The following LRP1B variants were observed in gnomAD, a reference collection of about 807,000 sequenced individuals.
LRP1B encodes the protein LDL receptor related protein 1B.
A neutral mutation model predicts 556.6 loss-of-function variants in LRP1B; 217 were observed. The observed-to-expected ratio is 0.39, with a 90% CI of 0.35 to 0.44. LRP1B has a LOEUF of 0.44. Among genes scored for constraint, LRP1B ranks in the 20% least tolerant of loss-of-function variants. The pLI, the probability that LRP1B is intolerant of heterozygous loss-of-function variation, is 1.00. For missense variants in LRP1B, 5,053 were observed against 5,620.8 expected (o/e 0.90, Z 3.23); for synonymous variants, 2,047 against 1,865.8 (o/e 1.10, Z -2.50).
chr2:142,117,589 G>A (rs1707317636), intron 1 of LRP1B, among the ~76,000 whole-genome samples: 1 of 151,900 alleles, frequency 6.6e-6, no homozygotes, highest in African/African-American at 2.4e-5. Flanking sequence ...TTCCCACAAT[G>A]GATTTTTATT....
In LRP1B at chr2:141,120,604, T is replaced by C. The variant is rs180772214; in HGVS notation, c.1014-58331A>G. 8.7e-4 allele frequency among the ~76,000 whole-genome samples: 132 copies of C among 152,110 alleles called. 1 individual carries two copies. The highest frequency in any genetic ancestry group is 3.0e-3 in the African/African-American group (126 of 41,552). On this transcript the variant is annotated intron_variant, in intron 7 of 90. Coordinates refer to ENST00000389484, the MANE Select transcript of LRP1B (RefSeq NM_018557.3). ...ATAAATAAGGTAATAAGATCGAACATTGACAAATTCATTTTCAGATTTATA... is the reference window on the plus strand; with the variant it reads ...ATAAATAAGGTAATAAGATCGAACACTGACAAATTCATTTTCAGATTTATA...
chr2:140,441,120 T>G (rs573960736), intron 66 of LRP1B, among the ~76,000 whole-genome samples: 1 of 152,248 alleles, frequency 6.6e-6, no homozygotes, highest in African/African-American at 2.4e-5. Flanking sequence ...TTAGGTATTG[T>G]TGTTACTAGG....
At chr2:141,911,099 GT>G (rs561937289) in intron 1 of LRP1B, among the ~76,000 whole-genome samples, 1,557 of 151,858 alleles carry the variant, frequency 0.01, 15 homozygotes, top group Non-Finnish European at 0.016. Flanking sequence ...CAGTTTTAAG[GT>G]TTTTTTAATA....
At chr2:141,217,261 C>T (rs1220240702) in intron 6 of LRP1B, among the ~76,000 whole-genome samples, 1 of 152,062 alleles carries the variant, frequency 6.6e-6, no homozygotes, top group Non-Finnish European at 1.5e-5. Flanking sequence ...CATGGCAACT[C>T]CCTCCACTTT....
intron 4 of LRP1B, among the ~76,000 whole-genome samples, chr2:141,248,588 G>T (rs954315220): frequency 6.6e-6 from 1 of 152,134 alleles, no homozygotes; most frequent in Non-Finnish European, 1.5e-5. Flanking sequence ...GAAGCATAAG[G>T]AGTCAAATGA....
chr2:141,867,956 C>T (rs1321638332), intron 1 of LRP1B, among the ~76,000 whole-genome samples: 1 of 152,098 alleles, frequency 6.6e-6, no homozygotes, highest in African/African-American at 2.4e-5. Context: ...GAAGTAGCAG[C>T]TAATTTGGGA....
At chr2:141,284,041 T>A (rs1213111630) in intron 3 of LRP1B, among the ~76,000 whole-genome samples, 1 of 152,144 alleles carries the variant, frequency 6.6e-6, no homozygotes, top group Non-Finnish European at 1.5e-5. Context: ...ATGTTAGAAA[T>A]AACCCTTGTG....
Position 140,389,847 on chromosome 2 carries a change from G to T in LRP1B, c.10415-3838C>A, listed in dbSNP as rs550703495. On this transcript the variant is annotated intron_variant, in intron 66 of 90. Coordinates refer to ENST00000389484, the MANE Select transcript of LRP1B (RefSeq NM_018557.3). ...ATTGTTGTAAAATTACATGGAAAAG[G>T]CTGGGCGTGGTGGTGGCTCACACCA... 3.3e-5 allele frequency among the ~76,000 whole-genome samples: 5 copies of T among 151,246 alleles called. No individual in the cohort carries two copies. In the South Asian group the frequency reaches 1.0e-3, roughly 32 times the overall value.
At chr2:141,164,291 A>G (rs1396714472) in intron 7 of LRP1B, among the ~76,000 whole-genome samples, 1 of 152,024 alleles carries the variant, frequency 6.6e-6, no homozygotes. Flanking sequence ...CTTAATCATT[A>G]TTTGACTCTA....
intron 21 of LRP1B, among the ~76,000 whole-genome samples, chr2:140,910,056 A>C (rs1694370819): frequency 6.7e-6 from 1 of 150,228 alleles, no homozygotes; most frequent in Non-Finnish European, 1.5e-5. Context: ...GCTTATTTTA[A>C]GTTAAAAAAT....
chr2:140,608,488 T>C (rs1228706016), intron 41 of LRP1B, among the ~76,000 whole-genome samples: 1 of 152,210 alleles, frequency 6.6e-6, no homozygotes, highest in Non-Finnish European at 1.5e-5. Flanking sequence ...TCAAAGGGCT[T>C]AAATGGGGAA....
intron 15 of LRP1B, among the ~76,000 whole-genome samples, chr2:140,998,648 A>C (rs1214287988): frequency 6.6e-6 from 1 of 152,066 alleles, no homozygotes; most frequent in Non-Finnish European, 1.5e-5. Flanking sequence ...CAAGCATGGC[A>C]TTAGAATTCA....
chr2:141,862,590 G>A (rs182552074), intron 1 of LRP1B, among the ~76,000 whole-genome samples: 5 of 152,208 alleles, frequency 3.3e-5, no homozygotes, highest in Admixed American at 2.6e-4. Context: ...TGTGTTTTTA[G>A]TAGAGACGGG....
intron 2 of LRP1B, among the ~76,000 whole-genome samples, chr2:141,686,744 G>T (rs1691321132): frequency 2.0e-5 from 3 of 152,058 alleles, no homozygotes; most frequent in Non-Finnish European, 4.4e-5. Context: ...GAGGTGATTG[G>T]ATCATGAGGG....
chr2:141,475,763 G>A (rs60388182), intron 3 of LRP1B, among the ~76,000 whole-genome samples: 9,083 of 146,340 alleles, frequency 0.062, 420 homozygotes, highest in African/African-American at 0.12. Flanking sequence ...TTCGGTTGGG[G>A]ATGGTCAGAG....
intron 43 of LRP1B, among the ~76,000 whole-genome samples, chr2:140,568,124 C>T (rs1158177014): frequency 9.3e-5 from 14 of 149,772 alleles, no homozygotes; most frequent in Non-Finnish European, 5.9e-5. Context: ...CAGAAACTGA[C>T]CCAAAGGAAA....
At chr2:141,720,604 T>C (rs538889042) in intron 2 of LRP1B, among the ~76,000 whole-genome samples, 1 of 152,248 alleles carries the variant, frequency 6.6e-6, no homozygotes, top group South Asian at 2.1e-4. Context: ...TCATTAATTC[T>C]AATCACATGT....
intron 2 of LRP1B, among the ~76,000 whole-genome samples, chr2:141,709,744 G>A (rs1692286918): frequency 6.6e-6 from 1 of 152,144 alleles, no homozygotes; most frequent in African/African-American, 2.4e-5. Flanking sequence ...GATGGCTAAG[G>A]GCTAGAAGGT....
chr2:141,562,526 T>C (rs1686195677), intron 2 of LRP1B, among the ~76,000 whole-genome samples: 1 of 151,972 alleles, frequency 6.6e-6, no homozygotes, highest in African/African-American at 2.4e-5. Flanking sequence ...GCATACTTAA[T>C]ATTATCTCTG....
Sources: gnomAD v4.1 joint callset for allele counts (sites outside exome capture counted in the v4.1 genomes callset) on GRCh38, gnomAD v4.1.1 for gene constraint, MANE v1.5 for transcripts, NCBI Gene and HGNC (gene_info 2026-07-23, HGNC 2026-07-21) for gene names.